The following ADGRL3 variants were observed in gnomAD, a reference collection of about 807,000 sequenced individuals.
ADGRL3 encodes the protein calcium-independent alpha-latrotoxin receptor 3.
Under a neutral mutation model 153.5 loss-of-function variants are expected in ADGRL3, and 62 were observed. The observed-to-expected ratio is 0.40, with a 90% confidence interval of 0.33 to 0.50. ADGRL3 has a LOEUF of 0.50. Among genes scored for constraint, ADGRL3 ranks in the 20% least tolerant of loss-of-function variants. ADGRL3 has a pLI of 0.47. For missense variants in ADGRL3, 1,641 were observed against 1,859.4 expected (o/e 0.88, Z 2.16); for synonymous variants, 710 against 672.5 (o/e 1.06, Z -0.86).
chr4:61,324,124 C>A (rs1213888247), intron 1 of ADGRL3, among the ~76,000 whole-genome samples: 1 of 152,102 alleles, frequency 6.6e-6, no homozygotes, highest in Non-Finnish European at 1.5e-5. Context: ...ATAACAAGAA[C>A]ACTGCCCCCA....
intron 3 of ADGRL3, among the ~76,000 whole-genome samples, chr4:61,507,406 A>G (rs959691381): frequency 6.6e-6 from 1 of 152,178 alleles, no homozygotes; most frequent in African/African-American, 2.4e-5. Flanking sequence ...CAGATAAAAA[A>G]CCACCATGTC....
intron 21 of ADGRL3, among the ~76,000 whole-genome samples, chr4:62,025,350 G>C (rs1717890095): frequency 1.3e-5 from 2 of 152,094 alleles, no homozygotes; most frequent in Non-Finnish European, 2.9e-5. Context: ...TCTGTGACTA[G>C]GGGATTAGTA....
In ADGRL3 at chr4:61,587,353, C is replaced by A. The variant is rs1241742655; in HGVS notation, c.386C>A (p.Thr129Asn). The stretch of plus-strand genomic sequence containing the variant: ...ATAGAAAGTGCCAACTATGGCAGGA[C>A]TGATGACAAAATTTGTGACTCTGAC... Reference protein sequence around the residue: ...IMIESANYGRTDDKICDSDPA... With the variant: ...IMIESANYGRNDDKICDSDPA... Residue 129 changes from threonine (T) to asparagine (N), a missense_variant, in exon 5 of 27, where the codon ACT becomes AAT. By Grantham distance (65) the Thr-to-Asn change is moderately conservative (BLOSUM62 0). Transcript: ENST00000683033. 1 of 1,612,356 alleles carries A rather than the reference C, an allele frequency of 6.2e-7. No individual in the cohort carries two copies.
At chr4:61,680,832 A>G (rs1273492011) in intron 6 of ADGRL3, among the ~76,000 whole-genome samples, 1 of 151,998 alleles carries the variant, frequency 6.6e-6, no homozygotes, top group Non-Finnish European at 1.5e-5. Context: ...GTTATATTTA[A>G]TCTTTTCTAA....
chr4:61,905,605 G>A (rs918113976), intron 11 of ADGRL3, among the ~76,000 whole-genome samples: 30 of 151,822 alleles, frequency 2.0e-4, no homozygotes, highest in African/African-American at 6.5e-4. Flanking sequence ...AGAATTTCTC[G>A]AAAGTTGGGC....
chr4:61,456,368 GATATATCT>G (rs1442235955), intron 2 of ADGRL3, among the ~76,000 whole-genome samples: 33 of 113,160 alleles, frequency 2.9e-4, no homozygotes, highest in African/African-American at 9.6e-4. Flanking sequence ...TAGAGATATA[GATATATCT>G]ATATATATAT....
At chr4:61,491,313 A>G (rs948474119) in intron 2 of ADGRL3, among the ~76,000 whole-genome samples, 9 of 152,182 alleles carry the variant, frequency 5.9e-5, no homozygotes, top group African/African-American at 1.4e-4. Context: ...CTTGAATTGA[A>G]TAATAAGCAT....
At chr4:61,995,210 T>A (rs1188629156) in intron 19 of ADGRL3, among the ~76,000 whole-genome samples, 1 of 84,764 alleles carries the variant, frequency 1.2e-5, no homozygotes, top group East Asian at 4.7e-4. Flanking sequence ...AGCCCCCAAC[T>A]TTTTTTTTTT....
At chr4:62,051,773 C>G (rs1332260277) in intron 25 of ADGRL3, among the ~76,000 whole-genome samples, 1 of 151,694 alleles carries the variant, frequency 6.6e-6, no homozygotes, top group South Asian at 2.1e-4. Context: ...TTTCTTACCT[C>G]TATTGTGAAT....
chr4:61,753,163 G>T (rs1196342734), intron 8 of ADGRL3, among the ~76,000 whole-genome samples: 1 of 149,992 alleles, frequency 6.7e-6, no homozygotes, highest in Non-Finnish European at 1.5e-5. Flanking sequence ...GAAATAGGGA[G>T]CTCCCCTCCC....
At position 61,517,529 on chromosome 4, in the gene ADGRL3, C is replaced by A. The variant is rs966583463; in HGVS notation, c.259+11C>A. On this transcript the variant is annotated intron_variant, in intron 4 of 26. Coordinates refer to ENST00000683033, the MANE Select transcript of ADGRL3 (RefSeq NM_001387552.1). The stretch of plus-strand genomic sequence containing the variant: ...AGATTGCAGCGCAAGGTGCGGCCAG[C>A]GGTGGGGAGAGAGGGCTGGGGGTGG... The A allele has an allele frequency of 2.0e-5, 14 of 700,910 alleles. No homozygotes were observed. The East Asian group carries it at 2.2e-4, about 11-fold the overall frequency. 43.4% of individuals were successfully genotyped at this position (700,910 alleles called of 1,614,324 possible). A position where few individuals can be genotyped will look rare whatever the true frequency, so the allele number is the denominator to read the frequency against.
chr4:61,315,919 C>T (rs72614729), intron 1 of ADGRL3, among the ~76,000 whole-genome samples: 17,665 of 152,132 alleles, frequency 0.12, 1,244 homozygotes, highest in South Asian at 0.27. Flanking sequence ...AAGTATCATA[C>T]GTTCTCTTTC....
At chr4:61,643,601 G>C (rs2093801022) in intron 5 of ADGRL3, among the ~76,000 whole-genome samples, 1 of 148,824 alleles carries the variant, frequency 6.7e-6, no homozygotes, top group Non-Finnish European at 1.5e-5. Context: ...TTATTGATTT[G>C]CGTATATTGA....
intron 23 of ADGRL3, among the ~76,000 whole-genome samples, chr4:62,032,044 TTC>T (rs1385252621): frequency 1.1e-4 from 17 of 151,228 alleles, no homozygotes; most frequent in Admixed American, 1.1e-3. Context: ...GTGTATATAT[TTC>T]TGTTTCTTCA....
chr4:61,795,746 G>A (rs1026812705), intron 8 of ADGRL3, among the ~76,000 whole-genome samples: 9 of 152,096 alleles, frequency 5.9e-5, no homozygotes, highest in African/African-American at 1.9e-4. Flanking sequence ...TAAAATGAGA[G>A]ATTTTTTATT....
intron 8 of ADGRL3, among the ~76,000 whole-genome samples, chr4:61,765,833 G>T (rs936967853): frequency 1.3e-5 from 2 of 152,090 alleles, no homozygotes; most frequent in African/African-American, 2.4e-5. Context: ...GTAGGGAAGG[G>T]AGGGGGCCTG....
intron 1 of ADGRL3, among the ~76,000 whole-genome samples, chr4:61,338,163 C>T (rs934455841): frequency 2.6e-5 from 4 of 151,542 alleles, no homozygotes; most frequent in Admixed American, 6.6e-5. Context: ...CCCAGCTACT[C>T]GGGAGGCTGA....
chr4:61,253,643 A>G (rs992372179), intron 1 of ADGRL3, among the ~76,000 whole-genome samples: 1 of 151,780 alleles, frequency 6.6e-6, no homozygotes, highest in Non-Finnish European at 1.5e-5. Context: ...GAGAGCTGAC[A>G]TGGACCTATT....
chr4:61,539,611 A>G (rs2098678531), intron 4 of ADGRL3, among the ~76,000 whole-genome samples: 1 of 152,150 alleles, frequency 6.6e-6, no homozygotes, highest in African/African-American at 2.4e-5. Context: ...GTACGCAAAC[A>G]GCGTGGTGTG....
Sources: gnomAD v4.1 joint callset for allele counts (sites outside exome capture counted in the v4.1 genomes callset) on GRCh38, gnomAD v4.1.1 for gene constraint, MANE v1.5 for transcripts, NCBI Gene and HGNC (gene_info 2026-07-23, HGNC 2026-07-21) for gene names.